The following DYRK1A variants were observed in gnomAD, a reference collection of about 807,000 sequenced individuals.
The protein encoded by DYRK1A is dual specificity tyrosine phosphorylation regulated kinase 1A, also known as dual specificity tyrosine-phosphorylation-regulated kinase 1A.
Under a neutral mutation model 79.7 loss-of-function variants are expected in DYRK1A, and 9 were observed. That is an observed-to-expected ratio of 0.11 (90% CI 0.07 to 0.20). The LOEUF (loss-of-function observed/expected upper bound fraction) is 0.20, where lower values mean the gene tolerates loss of function less well. DYRK1A is among the 10% of genes least tolerant of loss of function. DYRK1A has a pLI of 1.00. For synonymous variants in DYRK1A, 349 were observed against 329.7 expected (o/e 1.06, Z -0.63); for missense variants, 622 against 956.0 (o/e 0.65, Z 4.61).
intron 1 of DYRK1A, among the ~76,000 whole-genome samples, chr21:37,403,040 C>G (rs1381258369): frequency 2.0e-5 from 3 of 152,230 alleles, no homozygotes; most frequent in Admixed American, 2.0e-4. Context: ...GCTGGGATTA[C>G]AAGCGTGAGC....
intron 1 of DYRK1A, among the ~76,000 whole-genome samples, chr21:37,408,247 C>T (rs2050183843): frequency 6.6e-6 from 1 of 152,166 alleles, no homozygotes; most frequent in African/African-American, 2.4e-5. Flanking sequence ...CAGTAGCTCA[C>T]TTATTTTGTG....
intron 2 of DYRK1A, among the ~76,000 whole-genome samples, chr21:37,447,141 T>C (rs2051299754): frequency 6.6e-6 from 1 of 152,196 alleles, no homozygotes; most frequent in African/African-American, 2.4e-5. Context: ...CCTGTCAATC[T>C]ATGATTGGAT....
chr21:37,455,129 T>G (rs2051594301), intron 2 of DYRK1A, among the ~76,000 whole-genome samples: 1 of 137,528 alleles, frequency 7.3e-6, no homozygotes, highest in African/African-American at 2.8e-5. Context: ...AGGGAGAGAG[T>G]GGTGTATATA....
intron 1 of DYRK1A, among the ~76,000 whole-genome samples, chr21:37,413,180 G>A (rs1337371057): frequency 6.6e-6 from 1 of 152,134 alleles, no homozygotes; most frequent in East Asian, 1.9e-4. Flanking sequence ...TCACTTTACT[G>A]CTTTTAGTAA....
intron 2 of DYRK1A, among the ~76,000 whole-genome samples, chr21:37,422,799 A>G (rs749527091): frequency 2.0e-5 from 3 of 152,172 alleles, no homozygotes; most frequent in Non-Finnish European, 2.9e-5. Context: ...ATAACTCAAT[A>G]AAGCTGGTGG....
intron 1 of DYRK1A, among the ~76,000 whole-genome samples, chr21:37,391,018 T>G (rs1274752226): frequency 6.6e-6 from 1 of 152,218 alleles, no homozygotes. Context: ...AGATACAGAT[T>G]AGATGTCTCA....
chr21:37,500,250 T>C (rs2053401584), intron 9 of DYRK1A, among the ~76,000 whole-genome samples: 1 of 152,240 alleles, frequency 6.6e-6, no homozygotes, highest in African/African-American at 2.4e-5. Context: ...GATCATCATA[T>C]GATTTTTCTC....
At position 37,478,268 on chromosome 21, in the gene DYRK1A, G is replaced by C; in HGVS notation, c.268G>C (p.Asp90His). The change falls in exon 4 of 12, where the codon GAC (aspartate) becomes CAC (histidine). Residue 90 changes from aspartate (D) to histidine (H), a missense_variant. Asp to His is a moderately conservative substitution (Grantham distance 81, BLOSUM62 -1). This residue lies in a region of DYRK1A where 91 missense variants were observed against 113.8 expected (regional missense o/e 0.80). Coordinates refer to ENST00000647188, the MANE Select transcript of DYRK1A (RefSeq NM_001347721.2). ...TGCTCCCCTGAGAAAACTTTCTGTT[G>C]ACTTGATCAAAACATACAAGCATAT... ...ATAPLRKLSV[D>H]LIKTYKHINE... is the part of the protein sequence containing the mutation. The C allele has an allele frequency of 6.2e-7, 1 of 1,613,950 alleles. No homozygotes were observed. Among genetic ancestry groups the C allele is most frequent in the Non-Finnish European group, 8.5e-7 (1 of 1,179,900 alleles).
At position 37,517,657 on chromosome 21, in the gene DYRK1A, G is replaced by C. The variant is rs1289201455; in HGVS notation, c.*5126G>C. On this transcript the variant is annotated 3_prime_UTR_variant, in exon 12 of 12. Coordinates refer to ENST00000647188, the MANE Select transcript of DYRK1A (RefSeq NM_001347721.2). ...GGAAGCAGCCAAGCAGGTGTGCCGGGCAGGGAGTTGTTAATGAACACCCAG... is the reference window on the plus strand; with the variant it reads ...GGAAGCAGCCAAGCAGGTGTGCCGGCCAGGGAGTTGTTAATGAACACCCAG... 6.6e-6 allele frequency: 1 copy of C among 152,330 alleles called. No individual in the cohort carries two copies. The highest frequency in any genetic ancestry group is 1.5e-5 in the Non-Finnish European group (1 of 68,202). The allele number at this position is 152,330 out of a possible 1,614,324, so 9.4% of individuals were successfully genotyped here.
chr21:37,447,098 A>C, intron 2 of DYRK1A, among the ~76,000 whole-genome samples: 1 of 152,202 alleles, frequency 6.6e-6, no homozygotes, highest in Non-Finnish European at 1.5e-5. Context: ...CTCTCCTAAC[A>C]GGAGAACTTG....
chr21:37,513,676 C>A lies in DYRK1A; in HGVS notation c.*1145C>A, dbSNP rs971980947. 2 of 152,640 alleles carry A rather than the reference C, an allele frequency of 1.3e-5. No homozygotes were observed. Among genetic ancestry groups the A allele is most frequent in the Non-Finnish European group, 2.9e-5 (2 of 68,042 alleles). The allele number at this position is 152,640 out of a possible 1,614,324, so 9.5% of individuals were successfully genotyped here. On this transcript the variant is annotated 3_prime_UTR_variant, in exon 12 of 12. Coordinates refer to ENST00000647188, the MANE Select transcript of DYRK1A (RefSeq NM_001347721.2). Reference sequence around the variant, plus strand: ...TTTGCTTTTTCTCGGCACGTGGTATCTCCACCATTTCTTCTGCACAAAGAT... The same window carrying A: ...TTTGCTTTTTCTCGGCACGTGGTATATCCACCATTTCTTCTGCACAAAGAT...
intron 2 of DYRK1A, among the ~76,000 whole-genome samples, chr21:37,433,990 T>A (rs879291455): frequency 1.3e-5 from 2 of 152,186 alleles, no homozygotes; most frequent in Admixed American, 1.3e-4. Context: ...AACCTGACTT[T>A]TCCAGTCTTG....
At chr21:37,445,440 G>T (rs1569328237) in intron 2 of DYRK1A, among the ~76,000 whole-genome samples, 1 of 152,196 alleles carries the variant, frequency 6.6e-6, no homozygotes, top group Admixed American at 6.5e-5. Context: ...TTGGTGCGGG[G>T]GATGAAGTAG....
At chr21:37,497,974 CAA>C (rs1383301039) in intron 9 of DYRK1A, among the ~76,000 whole-genome samples, 2 of 151,990 alleles carry the variant, frequency 1.3e-5, no homozygotes, top group African/African-American at 2.4e-5. Flanking sequence ...AATTTTGTAA[CAA>C]AAAGTCAAAT....
At chr21:37,398,081 A>G (rs2049988893) in intron 1 of DYRK1A, among the ~76,000 whole-genome samples, 1 of 143,312 alleles carries the variant, frequency 7.0e-6, no homozygotes, top group Non-Finnish European at 1.5e-5. Flanking sequence ...AAAAAAATAT[A>G]TATATATATT....
chr21:37,475,343 C>G (rs1392400835), intron 3 of DYRK1A, among the ~76,000 whole-genome samples: 1 of 152,160 alleles, frequency 6.6e-6, no homozygotes, highest in Non-Finnish European at 1.5e-5. Context: ...GGAGCTTGCT[C>G]TATTACTGTA....
At chr21:37,476,187 C>G (rs1182158780) in intron 3 of DYRK1A, among the ~76,000 whole-genome samples, 3 of 152,120 alleles carry the variant, frequency 2.0e-5, no homozygotes, top group African/African-American at 7.2e-5. Flanking sequence ...TTTTCCTGTT[C>G]TTTAACTGGC....
intron 5 of DYRK1A, among the ~76,000 whole-genome samples, chr21:37,481,806 G>A (rs754346828): frequency 3.3e-5 from 5 of 151,956 alleles, no homozygotes; most frequent in Non-Finnish European, 7.4e-5. Flanking sequence ...AGTAATTCCA[G>A]AACAGCCTGG....
intron 2 of DYRK1A, among the ~76,000 whole-genome samples, chr21:37,441,433 C>T (rs1299421273): frequency 1.3e-5 from 2 of 151,962 alleles, no homozygotes; most frequent in African/African-American, 2.4e-5. Context: ...CTATTTATTT[C>T]CTATTTGTGT....
Sources: allele counts gnomAD v4.1 joint callset (sites outside exome capture counted in the v4.1 genomes callset), GRCh38; gene constraint gnomAD v4.1.1; regional missense constraint gnomAD v4.1.1; transcripts MANE v1.5; gene names NCBI Gene and HGNC (gene_info 2026-07-23, HGNC 2026-07-21).